TNC: variants seen among roughly 807,000 people sequenced by gnomAD.
The protein encoded by TNC is tenascin C.
In TNC, 109 loss-of-function variants were observed where a neutral mutation model predicts 202.4. That is an observed-to-expected ratio of 0.54 (90% CI 0.46 to 0.63). TNC has a LOEUF of 0.63. TNC is among the 30% of genes least tolerant of loss of function. The pLI, the probability that TNC is intolerant of heterozygous loss-of-function variation, is 0.00. For synonymous variants in TNC, 1,007 were observed against 1,089.7 expected (o/e 0.92, Z 1.50); for missense variants, 2,756 against 2,833.3 (o/e 0.97, Z 0.62).
intron 20 of TNC, 115 bp downstream of exon 20, chr9:115,038,146 A>G (rs1830468970): frequency 7.2e-7 from 1 of 1,396,834 alleles, no homozygotes; most frequent in Admixed American, 2.1e-5. Context: ...TTTTCAACCT[A>G]CCCATGCATT....
intron 1 of TNC, among the ~76,000 whole-genome samples, chr9:115,109,235 C>T (rs1220005861): frequency 1.3e-5 from 2 of 152,176 alleles, no homozygotes; most frequent in African/African-American, 4.8e-5. Flanking sequence ...GGTAACAAAA[C>T]AATGACAACA....
chr9:115,104,637 G>T (rs949125208), intron 1 of TNC, among the ~76,000 whole-genome samples: 1 of 152,192 alleles, frequency 6.6e-6, no homozygotes, highest in Non-Finnish European at 1.5e-5. Flanking sequence ...AAAGCTATAA[G>T]TGCCTGACAT....
chr9:115,096,150 A>G (rs947115483), intron 1 of TNC, among the ~76,000 whole-genome samples: 2 of 152,208 alleles, frequency 1.3e-5, no homozygotes, highest in South Asian at 2.1e-4. Context: ...TTTTCTGTGT[A>G]TCTCCATCCC....
At chr9:115,038,568 T>C (rs1380935894) in intron 19 of TNC, among the ~76,000 whole-genome samples, 188 bp from the exon 20 acceptor site, 5 of 152,236 alleles carry the variant, frequency 3.3e-5, no homozygotes, top group Non-Finnish European at 5.9e-5. Context: ...CCTTGCTGGC[T>C]CAGTTACTTT....
rs148749117 is a variant in TNC at position 115,059,771 on chromosome 9, C to T, written c.4265G>A (p.Arg1422Gln). The T allele has an allele frequency of 4.2e-5, 68 of 1,613,532 alleles. No homozygotes were observed. The highest frequency in any genetic ancestry group is 1.6e-4 in the East Asian group (7 of 44,876). Residue 1422 changes from arginine to glutamine, a missense_variant, in exon 14 of 28, where the codon CGG (arginine) becomes CAG (glutamine). Physicochemically the swap from Arg to Gln is conservative, Grantham distance 43. This residue lies in a region of TNC where 2,559 missense variants were observed against 2,546.0 expected (regional missense o/e 1.01). Coordinates refer to ENST00000350763, the MANE Select transcript of TNC (RefSeq NM_002160.4). ...PYRVSIYGVIRGYRTPVLSAE... is the reference protein window; with the variant it reads ...PYRVSIYGVIQGYRTPVLSAE... ...AGAGAGTACTGGTGTTCTATAGCCC[C>T]GGATCACCCCATAGATGGAGACTCT...
intron 3 of TNC, among the ~76,000 whole-genome samples, chr9:115,084,900 C>A (rs1757114): frequency 0.98 from 148,471 of 152,276 alleles, 72,505 homozygotes; most frequent in East Asian, 1. Flanking sequence ...AGACAGAACG[C>A]CTTGACCAAG....
rs757818304 is a variant in TNC at position 115,020,472 on chromosome 9, T to G, written c.*685A>C. On this transcript the variant is annotated 3_prime_UTR_variant, in exon 28 of 28. Coordinates refer to ENST00000350763, the MANE Select transcript of TNC (RefSeq NM_002160.4). ...CCTTTCCTATCCCAACATTCCCCGC[T>G]TTGTTCAAATGATTGGCTTTGGTGA... 5.1e-6 allele frequency: 1 copy of G among 196,680 alleles called. No individual in the cohort carries two copies. Among genetic ancestry groups the G allele is most frequent in the African/African-American group, 2.4e-5 (1 of 42,524 alleles). The allele number at this position is 196,680 out of a possible 1,614,324, so 12.2% of individuals were successfully genotyped here.
rs1047349224 is a variant in TNC at position 115,057,063 on chromosome 9, G to T, written c.4579+90C>A. The T allele has an allele frequency of 1.0e-3, 1,455 of 1,441,380 alleles. No individual in the cohort carries two copies. The Admixed American group carries it at 0.01, about 10-fold the overall frequency. The allele number at this position is 1,441,380 out of a possible 1,614,324, so 89.3% of individuals were successfully genotyped here. A position where few individuals can be genotyped will look rare whatever the true frequency, so the allele number is the denominator to read the frequency against. On this transcript the variant is annotated intron_variant, in intron 15 of 27. Transcript: ENST00000350763. ...TGGAAGAGTTAGTGCCCTGTGGCTT[G>T]TACATCAATGGGAGAGGAGAAGGAG... is the stretch of plus-strand genomic sequence containing the variant.
chr9:115,023,402 GA>G (rs1367060308), intron 27 of TNC, among the ~76,000 whole-genome samples: 1 of 152,082 alleles, frequency 6.6e-6, no homozygotes, highest in African/African-American at 2.4e-5. Context: ...AAAAGGGATC[GA>G]AAAAAATCTG....
In TNC at chr9:115,064,646, C is replaced by A. The variant is rs1832802791; in HGVS notation, c.3487+1G>T. 4 of 1,597,826 alleles carry A rather than the reference C, an allele frequency of 2.5e-6. No individual in the cohort carries two copies. The East Asian group carries it at 6.7e-5, about 27-fold the overall frequency. ...GCTATAAATAGAAAGGAAAGAGATA[C>A]CTGTGGAGGCCTCAGCAGAGAGCAC... is the stretch of plus-strand genomic sequence containing the variant. On this transcript the variant is annotated splice_donor_variant, in intron 11 of 27. Transcript: ENST00000350763. LOFTEE classifies it high-confidence loss of function.
rs10982503 is a variant in TNC at position 115,036,558 on chromosome 9, C to T, written c.5513-317G>A. The stretch of plus-strand genomic sequence containing the variant: ...TTGCCACTGAGACCGAGGTAGAGGA[C>T]GGTCGGAGGGGACATCCCCAAGCCT... On this transcript the variant is annotated intron_variant, in intron 20 of 27. Coordinates refer to ENST00000350763, the MANE Select transcript of TNC (RefSeq NM_002160.4). Among the ~76,000 whole-genome samples the T allele has an allele frequency of 0.2, 31,100 of 151,950 alleles. 3,637 individuals are homozygous for T. The highest frequency in any genetic ancestry group is 0.28 in the Non-Finnish European group (18,777 of 67,938).
chr9:115,044,724 A>G (rs929161207), intron 17 of TNC, among the ~76,000 whole-genome samples: 3 of 152,088 alleles, frequency 2.0e-5, no homozygotes, highest in African/African-American at 7.2e-5. Context: ...GGGCAGCCAC[A>G]GGGAGGAGGA....
At chr9:115,074,110 C>T in intron 9 of TNC, among the ~76,000 whole-genome samples, 1 of 152,130 alleles carries the variant, frequency 6.6e-6, no homozygotes, top group Non-Finnish European at 1.5e-5. Context: ...ATATCCATTC[C>T]ATAAAATGCT....
rs570907732 is a variant in TNC at position 115,086,750 on chromosome 9, A to G, written c.981T>C (p.Asn327=). 1 of 1,613,652 alleles carries G rather than the reference A, an allele frequency of 6.2e-7. No individual in the cohort carries two copies. Among genetic ancestry groups the G allele is most frequent in the South Asian group, 1.1e-5 (1 of 91,080 alleles). ...NDCFDRGRCI[N]GTCYCEEGFT... Reference sequence around the variant, plus strand: ...AGCCTTCTTCGCAGTAGCAGGTGCCATTGATGCAGCGGCCCCGGTCGAAGC... The same window carrying G: ...AGCCTTCTTCGCAGTAGCAGGTGCCGTTGATGCAGCGGCCCCGGTCGAAGC... Residue 327 remains asparagine, a synonymous_variant, in exon 3 of 28, where the codon AAT becomes AAC. Transcript: ENST00000350763.
At position 115,040,959 on chromosome 9, in the gene TNC, A is replaced by C. The variant is rs559074310; in HGVS notation, c.5374T>G (p.Ser1792Ala). Residue 1792 changes from serine (S) to alanine (A), a missense_variant, in exon 19 of 28, where the codon TCA becomes GCA. This residue lies in a region of TNC where 2,559 missense variants were observed against 2,546.0 expected (regional missense o/e 1.01). Transcript: ENST00000350763. ...MKGFEESEPV[S>A]GSFTTALDGP... Reference sequence around the variant, plus strand: ...AACTCACCTGTGGTGAATGACCCTGAGACAGGTTCACTTTCCTCAAAGCCC... The same window carrying C: ...AACTCACCTGTGGTGAATGACCCTGCGACAGGTTCACTTTCCTCAAAGCCC... The C allele has an allele frequency of 1.9e-6, 3 of 1,613,844 alleles. No homozygotes were observed. The African/African-American group carries it at 4.0e-5, about 22-fold the overall frequency.
At chr9:115,084,664 C>T (rs780540706) in intron 3 of TNC, among the ~76,000 whole-genome samples, 192 bp from the exon 4 acceptor site, 1 of 152,190 alleles carries the variant, frequency 6.6e-6, no homozygotes, top group Non-Finnish European at 1.5e-5. Flanking sequence ...TTCCTTAGTC[C>T]ATTTCCTTCA....
chr9:115,037,277 A>G (rs965479528), intron 20 of TNC, among the ~76,000 whole-genome samples: 1 of 152,176 alleles, frequency 6.6e-6, no homozygotes, highest in Non-Finnish European at 1.5e-5. Context: ...ATACCAAACC[A>G]TAAAATATGA....
intron 22 of TNC, 135 bp downstream of exon 22, chr9:115,035,069 A>T: frequency 1.1e-6 from 1 of 901,678 alleles, no homozygotes; most frequent in Non-Finnish European, 1.5e-6. Context: ...CATGCCATCC[A>T]GTCTCTACTA....
intron 1 of TNC, among the ~76,000 whole-genome samples, chr9:115,104,429 T>G (rs1836459534): frequency 6.6e-6 from 1 of 152,148 alleles, no homozygotes; most frequent in South Asian, 2.1e-4. Flanking sequence ...AGAAATTTAG[T>G]CCCGAAAGAC....
Sources: gnomAD v4.1 joint callset for allele counts (sites outside exome capture counted in the v4.1 genomes callset) on GRCh38, gnomAD v4.1.1 for gene constraint, gnomAD v4.1.1 regional missense constraint, MANE v1.5 for transcripts, NCBI Gene and HGNC (gene_info 2026-07-23, HGNC 2026-07-21) for gene names.